The following SH3KBP1 variants were observed in gnomAD, a reference collection of about 807,000 sequenced individuals.
The protein encoded by SH3KBP1 is SH3 domain-containing kinase-binding protein 1.
In SH3KBP1, 8 loss-of-function variants were observed where a neutral mutation model predicts 50.1. That is an observed-to-expected ratio of 0.16 (90% CI 0.09 to 0.29). The LOEUF is 0.29. Ranked by LOEUF, SH3KBP1 falls within the 10% of genes least tolerant of loss-of-function variation. SH3KBP1 has a pLI of 1.00. For synonymous variants in SH3KBP1, 227 were observed against 218.6 expected (o/e 1.04, Z -0.34); for missense variants, 377 against 535.2 (o/e 0.70, Z 2.92).
chrX:19,752,852 T>C (rs1435598063), intron 2 of SH3KBP1, among the ~76,000 whole-genome samples: 1 of 111,816 alleles, frequency 8.9e-6, no homozygotes, highest in African/African-American at 3.3e-5. Flanking sequence ...TCATCTCAGG[T>C]GGTGAGATGT....
chrX:19,865,837 G>A (rs1199017804), intron 1 of SH3KBP1, among the ~76,000 whole-genome samples: 3 of 112,089 alleles, frequency 2.7e-5, no homozygotes, highest in Non-Finnish European at 5.6e-5. Context: ...GGCTTCCAAA[G>A]GGACCCACCT....
Position 19,692,673 on chromosome X carries a change from GTA to G in SH3KBP1, c.520+2937_520+2938del, listed in dbSNP as rs1235922665. Among the ~76,000 whole-genome samples, 351 of 76,628 alleles carry G rather than the reference GTA, an allele frequency of 4.6e-3. 5 individuals are homozygous for G. Among genetic ancestry groups the G allele is most frequent in the African/African-American group, 0.018 (328 of 18,159 alleles). 66.5% of individuals were successfully genotyped at this position (76,628 alleles called of 115,157 possible). A position where few individuals can be genotyped will look rare whatever the true frequency, so the allele number is the denominator to read the frequency against. On this transcript the variant is annotated intron_variant, in intron 5 of 17. Transcript: ENST00000397821. ...TGTGTGTGTGTGTGTGTGTGTGTAT[GTA>G]TATATATATATATATTTTTTTTTTT...
intron 6 of SH3KBP1, among the ~76,000 whole-genome samples, chrX:19,667,099 G>A (rs906757593): frequency 8.9e-6 from 1 of 112,305 alleles, no homozygotes; most frequent in African/African-American, 3.2e-5. Context: ...TCAGTCATAA[G>A]AGGACAATAA....
chrX:19,791,240 G>C (rs1204036077), intron 2 of SH3KBP1, among the ~76,000 whole-genome samples: 1 of 111,103 alleles, frequency 9.0e-6, no homozygotes, highest in Non-Finnish European at 1.9e-5. Context: ...CTGGTAGAAG[G>C]GCAATTTAGC....
intron 12 of SH3KBP1, among the ~76,000 whole-genome samples, chrX:19,579,696 T>C (rs1258589173): frequency 9.0e-6 from 1 of 111,347 alleles, no homozygotes; most frequent in Non-Finnish European, 1.9e-5. Context: ...GAAGATAATA[T>C]GTACAAGTGG....
chrX:19,806,430 C>T (rs775397597), intron 2 of SH3KBP1, among the ~76,000 whole-genome samples: 1 of 111,221 alleles, frequency 9.0e-6, no homozygotes, highest in African/African-American at 3.3e-5. Context: ...GCAGGAGAAT[C>T]GCTTGAACCA....
chrX:19,837,462 CTTTTTTTTTT>C (rs777871798), intron 1 of SH3KBP1, among the ~76,000 whole-genome samples: 1 of 72,754 alleles, frequency 1.4e-5, no homozygotes, highest in African/African-American at 6.1e-5. Context: ...TTTCATAACA[CTTTTTTTTTT>C]TTTTTTTTTT....
In SH3KBP1 at chrX:19,722,026, A is replaced by G. The variant is rs895827159; in HGVS notation, c.287-15042T>C. On this transcript the variant is annotated intron_variant, in intron 3 of 17. Transcript: ENST00000397821. ...TTAAAAAAATTACAGTTTCCAAGGAAACCCAAAGGTACAAGGGTAAACTAT... is the reference window on the plus strand; with the variant it reads ...TTAAAAAAATTACAGTTTCCAAGGAGACCCAAAGGTACAAGGGTAAACTAT... 1.6e-4 allele frequency among the ~76,000 whole-genome samples: 18 copies of G among 110,995 alleles called. No homozygotes were observed. The Admixed American group carries it at 1.6e-3, about 10-fold the overall frequency.
intron 12 of SH3KBP1, among the ~76,000 whole-genome samples, chrX:19,585,755 A>G (rs1356066591): frequency 1.8e-5 from 2 of 112,260 alleles, no homozygotes; most frequent in Non-Finnish European, 3.8e-5. Flanking sequence ...CCCACCCAAG[A>G]CCTACTGAGT....
intron 2 of SH3KBP1, among the ~76,000 whole-genome samples, chrX:19,828,789 T>TA (rs1331575341): frequency 3.6e-5 from 4 of 110,790 alleles, no homozygotes; most frequent in Non-Finnish European, 7.6e-5. Context: ...CTAAAAAAAA[T>TA]AAAAAAATAA....
At chrX:19,584,174 TATATA>T (rs1196061417) in intron 12 of SH3KBP1, among the ~76,000 whole-genome samples, 6 of 94,433 alleles carry the variant, frequency 6.4e-5, no homozygotes, top group South Asian at 8.3e-4. Flanking sequence ...TATATATTTA[TATATA>T]ATATATTTAT....
At chrX:19,746,239 T>C in intron 3 of SH3KBP1, 79 bp downstream of exon 3, 1 of 1,113,119 alleles carries the variant, frequency 9.0e-7, no homozygotes, top group Non-Finnish European at 1.2e-6. Flanking sequence ...TTCAGCAATA[T>C]AAAGTTTGAC....
intron 6 of SH3KBP1, among the ~76,000 whole-genome samples, chrX:19,681,121 G>T (rs181699489): frequency 1.8e-5 from 2 of 111,454 alleles, no homozygotes; most frequent in Non-Finnish European, 1.9e-5. Context: ...AATCCAAAAT[G>T]CTCCGATGAA....
intron 3 of SH3KBP1, among the ~76,000 whole-genome samples, chrX:19,728,319 GATTTTGGATTTTCAC>G (rs1733096822): frequency 9.0e-6 from 1 of 111,533 alleles, no homozygotes; most frequent in Non-Finnish European, 1.9e-5. Flanking sequence ...GAGCATTTCA[GATTTTGGATTTTCAC>G]ATTTGGGATG....
chrX:19,550,212 T>C (rs1332139141), intron 13 of SH3KBP1, 129 bp from the exon 14 acceptor site: 2 of 479,034 alleles, frequency 4.2e-6, no homozygotes, highest in Non-Finnish European at 7.1e-6. Flanking sequence ...TTACAAAGGC[T>C]GTTTACGTCC....
intron 8 of SH3KBP1, among the ~76,000 whole-genome samples, chrX:19,631,580 C>T (rs180754986): frequency 3.0e-4 from 34 of 112,785 alleles, no homozygotes; most frequent in Admixed American, 8.4e-4. Flanking sequence ...GATCTCCAGC[C>T]GAGCAGGCTG....
At chrX:19,572,075 G>C (rs1188929942) in intron 12 of SH3KBP1, among the ~76,000 whole-genome samples, 1 of 110,268 alleles carries the variant, frequency 9.1e-6, no homozygotes. Context: ...AATCAAATGT[G>C]AGCCCGTCTC....
chrX:19,697,606 A>G (rs1393833515), intron 4 of SH3KBP1, among the ~76,000 whole-genome samples: 1 of 112,590 alleles, frequency 8.9e-6, no homozygotes, highest in Non-Finnish European at 1.9e-5. Context: ...ATGACTAAAC[A>G]TTAGCAATGC....
chrX:19,555,493 G>A (rs890023588), intron 13 of SH3KBP1, among the ~76,000 whole-genome samples: 1 of 112,283 alleles, frequency 8.9e-6, no homozygotes, highest in African/African-American at 3.2e-5. Flanking sequence ...GCTAAGTCAG[G>A]CTAGCTGTCA....
Sources: allele counts gnomAD v4.1 joint callset (sites outside exome capture counted in the v4.1 genomes callset), GRCh38; gene constraint gnomAD v4.1.1; transcripts MANE v1.5; gene names NCBI Gene and HGNC (gene_info 2026-07-23, HGNC 2026-07-21).